ACP6: variants seen among roughly 807,000 people sequenced by gnomAD.
ACP6 encodes acid phosphatase 6, lysophosphatidic, also known as lysophosphatidic acid phosphatase type 6.
ACP6 carries 48 observed loss-of-function variants against 48.1 expected under a neutral mutation model. That is an observed-to-expected ratio of 1.00 (90% CI 0.79 to 1.27). ACP6 has a LOEUF of 1.27. Among genes scored for constraint, ACP6 ranks in the 50% most tolerant of loss-of-function variants. The pLI is 0.00. For missense variants in ACP6, 485 were observed against 529.1 expected (o/e 0.92, Z 0.82); for synonymous variants, 172 against 204.2 (o/e 0.84, Z 1.34).
intron 8 of ACP6, among the ~76,000 whole-genome samples, chr1:147,648,902 A>C (rs781994443): frequency 6.6e-6 from 1 of 152,148 alleles, no homozygotes; most frequent in Non-Finnish European, 1.5e-5. Context: ...CTGTAATAAG[A>C]ATGCCATTTT....
intron 5 of ACP6, among the ~76,000 whole-genome samples, chr1:147,631,769 G>T (rs587684105): frequency 5.3e-5 from 8 of 152,074 alleles, no homozygotes; most frequent in African/African-American, 7.2e-5. Context: ...AGCTGAGATC[G>T]TGCCACTGCA....
chr1:147,650,078 C>T, intron 8 of ACP6, 65 bp downstream of exon 8: 1 of 1,451,768 alleles, frequency 6.9e-7, no homozygotes, highest in Admixed American at 1.9e-5. Flanking sequence ...ATTTGGGTTC[C>T]CTCCCTACAG....
In ACP6 at chr1:147,646,179, T is replaced by C. The variant is rs962710793; in HGVS notation, c.*1244A>G. On this transcript the variant is annotated 3_prime_UTR_variant, in exon 10 of 10. Transcript: ENST00000583509. Reference sequence around the variant, plus strand: ...AGATTAAAGAAATAAACAGGTAGTATTGATAAAACTTAACTGATTAGACAT... The same window carrying C: ...AGATTAAAGAAATAAACAGGTAGTACTGATAAAACTTAACTGATTAGACAT... 6.6e-6 allele frequency: 1 copy of C among 152,172 alleles called. No individual in the cohort carries two copies. Among genetic ancestry groups the C allele is most frequent in the Non-Finnish European group, 1.5e-5 (1 of 68,036 alleles). 9.4% of individuals were successfully genotyped at this position (152,172 alleles called of 1,614,324 possible).
chr1:147,633,201 A>G (rs1028332311), intron 5 of ACP6, among the ~76,000 whole-genome samples: 2 of 152,180 alleles, frequency 1.3e-5, no homozygotes, highest in African/African-American at 2.4e-5. Context: ...GTAGGAGTAA[A>G]TACAGAATAA....
At chr1:147,631,837 A>T (rs974789132) in intron 5 of ACP6, among the ~76,000 whole-genome samples, 2 of 151,946 alleles carry the variant, frequency 1.3e-5, no homozygotes, top group Non-Finnish European at 2.9e-5. Flanking sequence ...CAACAACAAA[A>T]AAAACAGTAT....
At chr1:147,631,591 G>A (rs772494842) in intron 5 of ACP6, among the ~76,000 whole-genome samples, 33 of 152,108 alleles carry the variant, frequency 2.2e-4, no homozygotes, top group Non-Finnish European at 4.3e-4. Context: ...CGAGGTGGGT[G>A]GGTCACAAGG....
chr1:147,660,102 T>C (rs1251516102), intron 1 of ACP6, among the ~76,000 whole-genome samples: 3 of 152,200 alleles, frequency 2.0e-5, no homozygotes, highest in African/African-American at 4.8e-5. Flanking sequence ...AATGAACGAA[T>C]AGATGGATGA....
At chr1:147,640,425 CT>C (rs1358806400), downstream of ACP6, among the ~76,000 whole-genome samples, 1 of 152,172 alleles carries the variant, frequency 6.6e-6, no homozygotes, top group African/African-American at 2.4e-5. Flanking sequence ...CTGAGGAATG[CT>C]CCGGAGGAGC....
exon 6 of ACP6, chr1:147,630,028 C>A (rs1218925055): frequency 3.9e-5 from 6 of 152,178 alleles, no homozygotes; most frequent in Non-Finnish European, 7.3e-5. Context: ...ATAGTTAAAG[C>A]ATGGGAAAAT....
At chr1:147,654,871 T>C (rs1660161018) in intron 5 of ACP6, among the ~76,000 whole-genome samples, 1 of 152,194 alleles carries the variant, frequency 6.6e-6, no homozygotes, top group Admixed American at 6.5e-5. Context: ...GTCAGAAGGA[T>C]CATACTTTGT....
intron 1 of ACP6, among the ~76,000 whole-genome samples, chr1:147,667,694 TA>T (rs587679037): frequency 6.6e-6 from 1 of 150,496 alleles, no homozygotes; most frequent in Non-Finnish European, 1.5e-5. Flanking sequence ...CCAAGAAGAT[TA>T]AAAAATCCCA....
rs1659663966 is a variant in ACP6, at chr1:147,647,252, C to A, written c.*171G>T. ...TATCCTTTTGGTCTCAATATTATACCCCTTTTCCGTTCAGGAAGAAATCTT... is the reference window on the plus strand; with the variant it reads ...TATCCTTTTGGTCTCAATATTATACACCTTTTCCGTTCAGGAAGAAATCTT... On this transcript the variant is annotated 3_prime_UTR_variant, in exon 10 of 10. Transcript: ENST00000583509. 3 of 755,040 alleles carry A rather than the reference C, an allele frequency of 4.0e-6. 1 individual carries two copies. The highest frequency in any genetic ancestry group is 6.3e-6 in the Non-Finnish European group (3 of 479,754). The allele number at this position is 755,040 out of a possible 1,614,324, so 46.8% of individuals were successfully genotyped here. A position where few individuals can be genotyped will look rare whatever the true frequency, so the allele number is the denominator to read the frequency against.
At chr1:147,656,452 TGAA>T (rs1490887618) in intron 4 of ACP6, among the ~76,000 whole-genome samples, 1 of 152,212 alleles carries the variant, frequency 6.6e-6, no homozygotes, top group Non-Finnish European at 1.5e-5. Flanking sequence ...CAGACCCCTC[TGAA>T]GAATCCTGGG....
Position 147,648,239 on chromosome 1 carries a change from G to T in ACP6, c.1143+7C>A, listed in dbSNP as rs1553209839. On this transcript the variant is annotated splice_region_variant and intron_variant, in intron 9 of 9. Transcript: ENST00000583509. ...ACCACCACCCAACCCCACCTCAGGG[G>T]TATTACCTTCCCGTGGTAATAGAGC... The T allele has an allele frequency of 2.5e-6, 4 of 1,614,046 alleles. No individual in the cohort carries two copies. Among genetic ancestry groups the T allele is most frequent in the Admixed American group, 1.7e-5 (1 of 60,012 alleles).
chr1:147,656,543 C>G (rs1553211654), intron 4 of ACP6, among the ~76,000 whole-genome samples: 1 of 152,130 alleles, frequency 6.6e-6, no homozygotes, highest in Non-Finnish European at 1.5e-5. Context: ...CTCAAATAAA[C>G]AGTTGAGCAT....
rs1553211203 is a variant in ACP6, at chr1:147,654,344, G to T, written c.648-18C>A. 1.9e-6 allele frequency: 3 copies of T among 1,613,110 alleles called. No homozygotes were observed. The highest frequency in any genetic ancestry group is 2.5e-6 in the Non-Finnish European group (3 of 1,179,760). ...TCCGGCCTCTGACAAAAAATAAAAA[G>T]TAAAGCCTTATATTCTATAGTGATT... On this transcript the variant is annotated intron_variant, in intron 5 of 9. Transcript: ENST00000583509.
At position 147,655,174 on chromosome 1, in the gene ACP6, T is replaced by G. The variant is rs1553211391; in HGVS notation, c.634A>C (p.Arg212=). ...AGGGGCAGTTACCTGGTTCTCTGCC[T>G]CAGGCTCCAGCAGCTTTGGTAGTTG... ...YPNYQSCWSL[R]QRTRGRRQTA... Residue 212 remains arginine (R), a synonymous_variant, in exon 5 of 10, where the codon AGG becomes CGG. Coordinates refer to ENST00000583509, the MANE Select transcript of ACP6 (RefSeq NM_016361.5). 1.9e-6 allele frequency: 3 copies of G among 1,606,452 alleles called. No homozygotes were observed. The South Asian group carries it at 3.4e-5, about 18-fold the overall frequency.
At chr1:147,652,753 G>GAAAA (rs372824445) in intron 6 of ACP6, 41,405 of 591,160 alleles carry the variant, frequency 0.07, 40 homozygotes, top group South Asian at 0.093. Flanking sequence ...TGAAGGCCAG[G>GAAAA]AAAAAAAAAA....
At chr1:147,647,740 G>T (rs112557371) in intron 9 of ACP6, 174 bp from the exon 10 acceptor site, 9 of 820,250 alleles carry the variant, frequency 1.1e-5, no homozygotes, top group African/African-American at 8.6e-5. Flanking sequence ...ACTATGCTCT[G>T]CTTGTAAAAG....
Sources: gnomAD v4.1 joint callset for allele counts (sites outside exome capture counted in the v4.1 genomes callset) on GRCh38, gnomAD v4.1.1 for gene constraint, MANE v1.5 for transcripts, NCBI Gene and HGNC (gene_info 2026-07-23, HGNC 2026-07-21) for gene names.